The following CHKB variants were observed in gnomAD, a reference collection of about 807,000 sequenced individuals.
CHKB encodes choline kinase beta, also known as choline/ethanolamine kinase.
CHKB carries 45 observed loss-of-function variants against 57.3 expected under a neutral mutation model. That is an observed-to-expected ratio of 0.79 (90% CI 0.62 to 1.01). The LOEUF (loss-of-function observed/expected upper bound fraction) is 1.01, where lower values mean the gene tolerates loss of function less well. CHKB is among the 50% of genes least tolerant of loss of function. CHKB has a pLI of 0.00. For synonymous variants in CHKB, 224 were observed against 201.8 expected, an observed-to-expected ratio of 1.11 and a Z score of -0.93; for missense variants, 517 against 502.8, an observed-to-expected ratio of 1.03 and a Z score of -0.27.
intron 10 of CHKB, 24 bp from the exon 11 acceptor site, chr22:50,579,279 A>C: frequency 6.2e-7 from 1 of 1,611,566 alleles, no homozygotes; most frequent in East Asian, 2.2e-5. Flanking sequence ...CCCACCCCAC[A>C]CAGTGGTGAG....
intron 9 of CHKB, 47 bp from the exon 10 acceptor site, chr22:50,579,554 C>G: frequency 1.2e-6 from 2 of 1,600,554 alleles, no homozygotes; most frequent in Non-Finnish European, 1.7e-6. Context: ...GCATGTCTAG[C>G]ACTGCTTGGA....
At chr22:50,579,896 T>C in intron 8 of CHKB, 66 bp from the exon 9 acceptor site, 1 of 1,596,958 alleles carries the variant, frequency 6.3e-7, no homozygotes, top group Admixed American at 1.7e-5. Context: ...TAACATCCTT[T>C]CCGGCCATTC....
intron 1 of CHKB, 45 bp downstream of exon 1, chr22:50,582,511 CCT>C (rs1569054777): frequency 1.3e-6 from 2 of 1,565,280 alleles, no homozygotes; most frequent in South Asian, 2.3e-5. Flanking sequence ...GCGGCTGACC[CCT>C]GACCCCGATC....
chr22:50,581,091 T>C (rs1177986456), intron 4 of CHKB, among the ~76,000 whole-genome samples: 1 of 151,774 alleles, frequency 6.6e-6, no homozygotes, highest in Non-Finnish European at 1.5e-5. Context: ...TTGGCAATCA[T>C]TTCTTTTTTC....
In CHKB at chr22:50,582,676, G is replaced by T; in HGVS notation, c.106C>A (p.Arg36=). The T allele has an allele frequency of 6.2e-7, 1 of 1,610,554 alleles. No individual in the cohort carries two copies. Among genetic ancestry groups the T allele is most frequent in the Middle Eastern group, 1.7e-4 (1 of 6,052 alleles). ...TCACGCGACAGCGACGAGGCGCGCC[G>T]CCGTTTTGGGGTAGTGTCCGGGCAC... The part of the protein sequence containing the change: ...SKCPDTTPKR[R]RASSLSRDAE... Residue 36 remains arginine, a synonymous_variant, in exon 1 of 11, where the codon CGG becomes AGG. Coordinates refer to ENST00000406938, the MANE Select transcript of CHKB (RefSeq NM_005198.5).
At chr22:50,580,292 TCTG>T (rs759899367) in intron 6 of CHKB, 21 bp from the exon 7 acceptor site, 2 of 1,613,452 alleles carry the variant, frequency 1.2e-6, no homozygotes, top group Non-Finnish European at 1.7e-6. Flanking sequence ...GGGGTGAGGT[TCTG>T]CTCACTCCAG....
At chr22:50,582,030 A>G (rs2070701952) in intron 2 of CHKB, 168 bp from the exon 3 acceptor site, 20 of 776,328 alleles carry the variant, frequency 2.6e-5, no homozygotes, top group South Asian at 2.5e-4. Flanking sequence ...GGGTCTCACT[A>G]TGTTGTCCAG....
At position 50,579,517 on chromosome 22, in the gene CHKB, G is replaced by A. The variant is rs1397209230; in HGVS notation, c.1032-10C>T. 3.7e-6 allele frequency: 6 copies of A among 1,613,088 alleles called. No homozygotes were observed. In the Admixed American group the frequency reaches 5.0e-5, roughly 13 times the overall value. ...GGATGCCAGAGCATACCTGGGGGGA[G>A]GGCAGGAAAAGGAGGGGCATTCAAG... On this transcript the variant is annotated splice_polypyrimidine_tract_variant and intron_variant, in intron 9 of 10. Transcript: ENST00000406938.
chr22:50,581,943 G>A lies in CHKB; in HGVS notation c.334-81C>T, dbSNP rs1054745614. 12 of 1,242,778 alleles carry A rather than the reference G, an allele frequency of 9.7e-6. No homozygotes were observed. The African/African-American group carries it at 1.6e-4, about 17-fold the overall frequency. The allele number at this position is 1,242,778 out of a possible 1,614,324, so 77.0% of individuals were successfully genotyped here. ...GAGGGCTCGCCTTCCTCCCACCAGA[G>A]CTGCGACTTCTGATCCAATTGCCTG... On this transcript the variant is annotated intron_variant, in intron 2 of 10. Coordinates refer to ENST00000406938, the MANE Select transcript of CHKB (RefSeq NM_005198.5).
At chr22:50,582,491 T>C (rs963300240) in intron 1 of CHKB, 67 bp downstream of exon 1, 4 of 1,521,920 alleles carry the variant, frequency 2.6e-6, no homozygotes, top group Middle Eastern at 1.7e-4. Context: ...TGGAGCATCC[T>C]GAGGGCCCCG....
chr22:50,579,705 C>G (rs368877902), intron 9 of CHKB, 22 bp downstream of exon 9: 1 of 1,598,068 alleles, frequency 6.3e-7, no homozygotes, highest in East Asian at 2.2e-5. Context: ...TGCCCTACCC[C>G]ACCCTGCCCC....
Position 50,579,190 on chromosome 22 carries a change from G to C in CHKB, c.1179C>G (p.Ser393=). ...GAGTGGGAGGGTGGAGTCAGGATGA[G>C]GAGTGGACACTGGTCAGCTGCCCCT... ...QQKGQLTSVH[S]SS The change falls in exon 11 of 11, where the codon TCC becomes TCG. Residue 393 remains serine, a synonymous_variant. Transcript: ENST00000406938. The C allele has an allele frequency of 6.2e-7, 1 of 1,613,672 alleles. No individual in the cohort carries two copies. The highest frequency in any genetic ancestry group is 8.5e-7 in the Non-Finnish European group (1 of 1,179,784).
rs184839240 is a variant in CHKB, at chr22:50,581,549, C to T, written c.452G>A (p.Arg151Gln). 35 of 1,613,878 alleles carry T rather than the reference C, an allele frequency of 2.2e-5. No homozygotes were observed. The highest frequency in any genetic ancestry group is 3.3e-5 in the South Asian group (3 of 91,078). The part of the protein sequence containing the change: ...EGRLEQYIPS[R>Q]PLKTQELREP... ...TCGAAGCTCTTGAGTTTTCAATGGC[C>T]GACTCTGCACCCAGGAAGCTATCAG... The change falls in exon 4 of 11, where the codon CGG becomes CAG. Residue 151 changes from arginine (R) to glutamine (Q), a missense_variant. Physicochemically the swap from Arg to Gln is conservative, Grantham distance 43 (BLOSUM62 1). Coordinates refer to ENST00000406938, the MANE Select transcript of CHKB (RefSeq NM_005198.5).
In CHKB at chr22:50,580,016, GA is replaced by G; in HGVS notation, c.884del (p.Phe295SerfsTer46). On this transcript the variant is annotated frameshift_variant, in exon 8 of 11. Transcript: ENST00000406938. LOFTEE classifies it high-confidence loss of function. ...GGTAGTCTGTGGGCCTTGCTTTGTA[GA>G]AAGGCCATTCCTCGTGAGTATAATC... ...VYDYTHEEWP[F>X]YKARPTDYPT... is the part of the protein sequence containing the mutation. 6.2e-7 allele frequency: 1 copy of G among 1,614,054 alleles called. No homozygotes were observed. Among genetic ancestry groups the G allele is most frequent in the Non-Finnish European group, 8.5e-7 (1 of 1,180,028 alleles).
intron 9 of CHKB, 52 bp downstream of exon 9, chr22:50,579,675 A>G (rs2070633827): frequency 5.2e-6 from 8 of 1,540,514 alleles, no homozygotes; most frequent in Middle Eastern, 1.7e-4. Context: ...CCTCTTCCCC[A>G]ATCCCTCTTT....
rs574064938 is a variant in CHKB, at chr22:50,580,731, C to A, written c.582-71G>T. 48 of 1,328,940 alleles carry A rather than the reference C, an allele frequency of 3.6e-5. No individual in the cohort carries two copies. The South Asian group carries it at 4.9e-4, about 14-fold the overall frequency. The allele number at this position is 1,328,940 out of a possible 1,614,324, so 82.3% of individuals were successfully genotyped here. A position where few individuals can be genotyped will look rare whatever the true frequency, so the allele number is the denominator to read the frequency against. ...ACCCCTCGCCTATCTACCCCTCAGG[C>A]CAGACTACTGCACCCCTGCTCCTAT... On this transcript the variant is annotated intron_variant, in intron 4 of 10. Coordinates refer to ENST00000406938, the MANE Select transcript of CHKB (RefSeq NM_005198.5).
intron 10 of CHKB, 82 bp from the exon 11 acceptor site, chr22:50,579,337 A>G: frequency 6.3e-7 from 1 of 1,576,210 alleles, no homozygotes; most frequent in Non-Finnish European, 8.7e-7. Context: ...GCCCACAGCC[A>G]CCCGGGACTC....
At chr22:50,581,080 C>T (rs1362350435) in intron 4 of CHKB, among the ~76,000 whole-genome samples, 1 of 152,060 alleles carries the variant, frequency 6.6e-6, no homozygotes, top group Non-Finnish European at 1.5e-5. Flanking sequence ...CGTGCCTGGC[C>T]TTGGCAATCA....
chr22:50,582,412 CCCGGCCCCCTCCCGGCCAGG>C (rs951019529), intron 1 of CHKB, 55 bp from the exon 2 acceptor site: 18 of 1,491,404 alleles, frequency 1.2e-5, no homozygotes, highest in Admixed American at 2.1e-5. Flanking sequence ...CTGCCGCGGC[CCCGGCCCCCTCCCGGCCAGG>C]CCGGCCCCGC....
Sources: gnomAD v4.1 joint callset for allele counts (sites outside exome capture counted in the v4.1 genomes callset) on GRCh38, gnomAD v4.1.1 for gene constraint, MANE v1.5 for transcripts, NCBI Gene and HGNC (gene_info 2026-07-23, HGNC 2026-07-21) for gene names.